DAB1: variants seen among roughly 807,000 people sequenced by gnomAD.
DAB1 encodes DAB adaptor protein 1.
DAB1 carries 15 observed loss-of-function variants against 64.6 expected under a neutral mutation model. The observed-to-expected ratio is 0.23, with a 90% CI of 0.16 to 0.36. DAB1 has a LOEUF of 0.36. DAB1 is among the 10% of genes least tolerant of loss of function. The pLI, the probability that DAB1 is intolerant of heterozygous loss-of-function variation, is 1.00. For synonymous variants in DAB1, 235 were observed against 251.9 expected (o/e 0.93, Z 0.64); for missense variants, 596 against 706.7 (o/e 0.84, Z 1.78).
At chr1:57,848,503 C>T (rs1217796582) in intron 1 of DAB1, among the ~76,000 whole-genome samples, 2 of 152,186 alleles carry the variant, frequency 1.3e-5, no homozygotes, top group Non-Finnish European at 2.9e-5. Flanking sequence ...AGGAGAAAAC[C>T]ACTTGGACAT....
At chr1:57,116,065 C>A (rs1272159177) in intron 4 of DAB1, among the ~76,000 whole-genome samples, 2 of 152,094 alleles carry the variant, frequency 1.3e-5, no homozygotes, top group East Asian at 3.9e-4. Flanking sequence ...TGGCAGTGAC[C>A]TCTGTGGCTG....
chr1:58,182,331 A>T (rs1297486517), intron 4 of DAB1, among the ~76,000 whole-genome samples: 1 of 151,790 alleles, frequency 6.6e-6, no homozygotes, highest in Non-Finnish European at 1.5e-5. Flanking sequence ...ATTATTTTTT[A>T]AATTAAATTT....
At chr1:58,209,843 A>C (rs143993848) in intron 4 of DAB1, among the ~76,000 whole-genome samples, 32 of 152,330 alleles carry the variant, frequency 2.1e-4, no homozygotes, top group African/African-American at 7.5e-4. Context: ...TAGATAAAAA[A>C]TTGATATGCA....
At chr1:57,110,108 T>C (rs1487434508) in intron 4 of DAB1, among the ~76,000 whole-genome samples, 2 of 152,198 alleles carry the variant, frequency 1.3e-5, no homozygotes, top group Non-Finnish European at 1.5e-5. Flanking sequence ...AGTGGCCACA[T>C]GTGTCTGTTC....
At chr1:57,206,932 CTTCT>C (rs1458629011) in intron 2 of DAB1, among the ~76,000 whole-genome samples, 1 of 129,226 alleles carries the variant, frequency 7.7e-6, no homozygotes, top group Admixed American at 7.8e-5. Flanking sequence ...CTCTTCTTTT[CTTCT>C]TTCTTTCTCT....
chr1:58,165,835 T>G (rs1169315698), intron 4 of DAB1, among the ~76,000 whole-genome samples: 1 of 152,224 alleles, frequency 6.6e-6, no homozygotes, highest in African/African-American at 2.4e-5. Flanking sequence ...TCTGGAAGAC[T>G]ATGTTGCTGT....
chr1:58,260,430 C>T (rs1240019114), intron 4 of DAB1, among the ~76,000 whole-genome samples: 1 of 152,186 alleles, frequency 6.6e-6, no homozygotes, highest in Non-Finnish European at 1.5e-5. Flanking sequence ...CCACCACTAT[C>T]ACCTCTTCTC....
intron 4 of DAB1, among the ~76,000 whole-genome samples, chr1:58,268,230 C>T (rs1661222940): frequency 6.6e-6 from 1 of 151,860 alleles, no homozygotes; most frequent in African/African-American, 2.4e-5. Flanking sequence ...TTTAAAGCAG[C>T]TTATAAAATG....
intron 5 of DAB1, among the ~76,000 whole-genome samples, chr1:57,970,682 TC>T (rs1360768596): frequency 1.3e-5 from 2 of 152,128 alleles, no homozygotes; most frequent in African/African-American, 2.4e-5. Context: ...TCACTCCCTT[TC>T]AAATTCAACC....
chr1:57,311,721 A>G (rs1272444151), intron 1 of DAB1, among the ~76,000 whole-genome samples: 1 of 152,190 alleles, frequency 6.6e-6, no homozygotes, highest in Non-Finnish European at 1.5e-5. Flanking sequence ...TATTTCCTAC[A>G]CAATCTATAT....
intron 7 of DAB1, among the ~76,000 whole-genome samples, chr1:57,429,617 T>C (rs1392410597): frequency 6.6e-6 from 1 of 152,238 alleles, no homozygotes; most frequent in Non-Finnish European, 1.5e-5. Flanking sequence ...ATTTTTATTA[T>C]TGCAAGTCTT....
At chr1:58,194,655 C>G (rs1388273768) in intron 4 of DAB1, among the ~76,000 whole-genome samples, 1 of 152,200 alleles carries the variant, frequency 6.6e-6, no homozygotes, top group African/African-American at 2.4e-5. Context: ...CTGACTAACC[C>G]TTTCTGTGCT....
intron 2 of DAB1, among the ~76,000 whole-genome samples, chr1:57,198,713 TA>T (rs1188666888): frequency 8.2e-6 from 1 of 121,520 alleles, no homozygotes; most frequent in Non-Finnish European, 1.7e-5. Flanking sequence ...CCTGGGAGAG[TA>T]AAAAAAGGTT....
At chr1:57,829,131 G>A (rs1652478537) in intron 1 of DAB1, among the ~76,000 whole-genome samples, 1 of 152,020 alleles carries the variant, frequency 6.6e-6, no homozygotes, top group East Asian at 1.9e-4. Flanking sequence ...TTAACTGACA[G>A]GCACAGGTTC....
At chr1:57,288,093 G>T (rs986191894) in intron 2 of DAB1, among the ~76,000 whole-genome samples, 3 of 152,194 alleles carry the variant, frequency 2.0e-5, no homozygotes, top group African/African-American at 4.8e-5. Context: ...ACTACGCCCA[G>T]CCCTTCTCTC....
intron 1 of DAB1, among the ~76,000 whole-genome samples, chr1:57,392,495 T>C (rs1682465512): frequency 6.6e-6 from 1 of 152,128 alleles, no homozygotes; most frequent in Admixed American, 6.5e-5. Context: ...AGGTACTGAG[T>C]GAAACAATAC....
chr1:57,225,917 T>C (rs1156794591), intron 2 of DAB1, among the ~76,000 whole-genome samples: 1 of 152,200 alleles, frequency 6.6e-6, no homozygotes, highest in African/African-American at 2.4e-5. Context: ...ACATATCACC[T>C]AATATTGTTC....
At chr1:57,335,244 C>T (rs1027017886) in intron 1 of DAB1, among the ~76,000 whole-genome samples, 6 of 151,282 alleles carry the variant, frequency 4.0e-5, no homozygotes, top group Middle Eastern at 3.4e-3. Context: ...TTACGTGCCC[C>T]GATCATTAAA....
At chr1:57,607,395 C>T (rs1157738117) in intron 7 of DAB1, among the ~76,000 whole-genome samples, 1 of 152,224 alleles carries the variant, frequency 6.6e-6, no homozygotes, top group African/African-American at 2.4e-5. Context: ...TGTGACTTAA[C>T]ATGACCAAAC....
Sources: gnomAD v4.1 joint callset for allele counts (sites outside exome capture counted in the v4.1 genomes callset) on GRCh38, gnomAD v4.1.1 for gene constraint, MANE v1.5 for transcripts, NCBI Gene and HGNC (gene_info 2026-07-23, HGNC 2026-07-21) for gene names.